DOCK3: variants seen among roughly 807,000 people sequenced by gnomAD.
DOCK3 encodes the protein dedicator of cytokinesis 3.
DOCK3 carries 60 observed loss-of-function variants against 265.6 expected under a neutral mutation model. The observed-to-expected ratio is 0.23, with a 90% CI of 0.18 to 0.28. DOCK3 has a LOEUF of 0.28. Among genes scored for constraint, DOCK3 ranks in the 10% least tolerant of loss-of-function variants. The pLI is 1.00. For synonymous variants in DOCK3, 881 were observed against 938.0 expected (o/e 0.94, Z 1.11); for missense variants, 1,981 against 2,594.3 (o/e 0.76, Z 5.14).
chr3:51,135,102 G>T (rs908215654), intron 9 of DOCK3, among the ~76,000 whole-genome samples: 2 of 152,134 alleles, frequency 1.3e-5, no homozygotes, highest in East Asian at 3.8e-4. Flanking sequence ...TTCAGACATG[G>T]GTTTTTAGCT....
intron 1 of DOCK3, among the ~76,000 whole-genome samples, chr3:50,682,870 C>T (rs1272277918): frequency 6.6e-6 from 1 of 152,168 alleles, no homozygotes; most frequent in South Asian, 2.1e-4. Context: ...ACCTGGGAGG[C>T]GGAGGTTGTA....
intron 5 of DOCK3, among the ~76,000 whole-genome samples, chr3:50,974,572 G>A (rs1193600445): frequency 6.6e-6 from 1 of 151,122 alleles, no homozygotes; most frequent in Admixed American, 6.6e-5. Context: ...GTCAGGTAGT[G>A]TGATGTCTCC....
At chr3:51,277,465 T>C (rs752115930) in intron 25 of DOCK3, 143 bp from the exon 26 acceptor site, 9 of 1,126,770 alleles carry the variant, frequency 8.0e-6, no homozygotes, top group Non-Finnish European at 1.1e-5. Flanking sequence ...CTGGGTGCCT[T>C]GACACTGCAT....
Position 51,339,069 on chromosome 3 carries a change from C to G in DOCK3, c.3766+41C>G, listed in dbSNP as rs766201814. The G allele has an allele frequency of 6.7e-6, 10 of 1,483,174 alleles. No homozygotes were observed. In the African/African-American group the frequency reaches 1.3e-4, roughly 19 times the overall value. 91.9% of individuals were successfully genotyped at this position (1,483,174 alleles called of 1,614,324 possible). A position where few individuals can be genotyped will look rare whatever the true frequency, so the allele number is the denominator to read the frequency against. On this transcript the variant is annotated intron_variant, in intron 37 of 52. Coordinates refer to ENST00000266037, the MANE Select transcript of DOCK3 (RefSeq NM_004947.5). ...AGAGAGCCATGCCTGACCATGAGGA[C>G]AAACTGAAGGGATTTGTACAATAGG...
chr3:51,220,061 A>G (rs2089996604), intron 14 of DOCK3, among the ~76,000 whole-genome samples: 1 of 152,196 alleles, frequency 6.6e-6, no homozygotes, highest in Non-Finnish European at 1.5e-5. Context: ...TGGGTACTCT[A>G]AAGAAGTCCT....
intron 37 of DOCK3, among the ~76,000 whole-genome samples, chr3:51,340,314 G>T (rs1403944270): frequency 6.6e-6 from 1 of 152,202 alleles, no homozygotes; most frequent in Non-Finnish European, 1.5e-5. Flanking sequence ...GCTCCAGAGG[G>T]AGGCCCTGAG....
At chr3:50,844,440 C>T (rs1244516842) in intron 3 of DOCK3, among the ~76,000 whole-genome samples, 2 of 152,042 alleles carry the variant, frequency 1.3e-5, no homozygotes, top group African/African-American at 2.4e-5. Flanking sequence ...AGGCGGGTCT[C>T]GAACTCTGGA....
intron 12 of DOCK3, among the ~76,000 whole-genome samples, chr3:51,186,063 G>C (rs2087580117): frequency 6.6e-6 from 1 of 152,158 alleles, no homozygotes. Flanking sequence ...GTAACAGGCA[G>C]AGGAACAGTT....
chr3:51,101,822 TCAAAG>T, intron 9 of DOCK3, among the ~76,000 whole-genome samples: 1 of 152,166 alleles, frequency 6.6e-6, no homozygotes, highest in Non-Finnish European at 1.5e-5. Context: ...TACTCCTGCC[TCAAAG>T]CCAGGCTCAC....
rs962773911 is a variant in DOCK3, at chr3:50,677,194, C to T, written c.37+1894C>T. Among the ~76,000 whole-genome samples the T allele has an allele frequency of 1.3e-5, 2 of 152,240 alleles. 1 individual carries two copies. Among genetic ancestry groups the T allele is most frequent in the South Asian group, 4.1e-4 (2 of 4,836 alleles). On this transcript the variant is annotated intron_variant, in intron 1 of 52. Transcript: ENST00000266037. ...TACACTGAAGACATTTTCATAGCAG[C>T]TGTGGTTTAGCATAACTTAGATGCC...
intron 12 of DOCK3, among the ~76,000 whole-genome samples, chr3:51,199,057 G>A (rs1004951491): frequency 6.6e-6 from 1 of 152,074 alleles, no homozygotes; most frequent in Non-Finnish European, 1.5e-5. Context: ...GAGGGGAGGA[G>A]CCGAGATGGC....
intron 9 of DOCK3, among the ~76,000 whole-genome samples, chr3:51,097,586 G>A (rs1391559334): frequency 6.6e-6 from 1 of 152,206 alleles, no homozygotes; most frequent in Non-Finnish European, 1.5e-5. Flanking sequence ...TGGCTCCCTG[G>A]CTTCAGTCCC....
At chr3:50,703,034 G>T (rs1576160419) in intron 1 of DOCK3, among the ~76,000 whole-genome samples, 1 of 152,146 alleles carries the variant, frequency 6.6e-6, no homozygotes, top group East Asian at 1.9e-4. Context: ...CTGATTTGTT[G>T]AGAGTTTCTA....
chr3:51,306,592 T>C (rs532072272), intron 27 of DOCK3, among the ~76,000 whole-genome samples: 51 of 152,360 alleles, frequency 3.3e-4, no homozygotes, highest in Admixed American at 7.2e-4. Flanking sequence ...TTTGTCTTCA[T>C]TCTTTTTTCT....
chr3:50,908,881 A>G (rs957081878), intron 4 of DOCK3, among the ~76,000 whole-genome samples: 1 of 152,070 alleles, frequency 6.6e-6, no homozygotes, highest in African/African-American at 2.4e-5. Context: ...AGCTTGCTTT[A>G]TGAATCTGGG....
chr3:50,828,476 C>T (rs1285452848), intron 2 of DOCK3, among the ~76,000 whole-genome samples: 2 of 152,110 alleles, frequency 1.3e-5, no homozygotes, highest in African/African-American at 4.8e-5. Flanking sequence ...ATGATCTTGG[C>T]TCACTGCAAA....
At chr3:51,088,194 A>G (rs1483854570) in intron 7 of DOCK3, among the ~76,000 whole-genome samples, 1 of 152,192 alleles carries the variant, frequency 6.6e-6, no homozygotes, top group Non-Finnish European at 1.5e-5. Flanking sequence ...GGGCTAAAAA[A>G]CAAAAACAAA....
At chr3:51,343,675 C>A (rs1203676516) in intron 38 of DOCK3, among the ~76,000 whole-genome samples, 3 of 152,210 alleles carry the variant, frequency 2.0e-5, no homozygotes, top group African/African-American at 7.2e-5. Context: ...TACCTCTGTG[C>A]AGAGGCAGCT....
rs574426264 is a variant in DOCK3, at chr3:51,137,935, CTT to C, written c.747-8613_747-8612del. Among the ~76,000 whole-genome samples the C allele has an allele frequency of 1.5e-3, 221 of 152,302 alleles. 1 individual carries two copies. Among genetic ancestry groups the C allele is most frequent in the Non-Finnish European group, 2.5e-3 (169 of 68,018 alleles). ...AAATCTCATGAGTAAATTTGACTCT[CTT>C]GGCCACAGTTTCTGTTACACCTTTG... On this transcript the variant is annotated intron_variant, in intron 9 of 52. Coordinates refer to ENST00000266037, the MANE Select transcript of DOCK3 (RefSeq NM_004947.5).
Sources: gnomAD v4.1 joint callset for allele counts (sites outside exome capture counted in the v4.1 genomes callset) on GRCh38, gnomAD v4.1.1 for gene constraint, MANE v1.5 for transcripts, NCBI Gene and HGNC (gene_info 2026-07-23, HGNC 2026-07-21) for gene names.